LCORL: variants seen among roughly 807,000 people sequenced by gnomAD.
LCORL encodes ligand dependent nuclear receptor corepressor like.
In LCORL, 41 loss-of-function variants were observed where a neutral mutation model predicts 141.8. The ratio of observed to expected loss-of-function variants is 0.29; its 90% confidence interval spans 0.23 to 0.38. LCORL has a LOEUF of 0.38. Ranked by LOEUF, LCORL falls within the 10% of genes least tolerant of loss-of-function variation. LCORL has a pLI of 1.00. For synonymous variants in LCORL, 618 were observed against 694.1 expected, an observed-to-expected ratio of 0.89 and a Z score of 1.72; for missense variants, 1,759 against 2,035.0, an observed-to-expected ratio of 0.86 and a Z score of 2.61.
intron 7 of LCORL, among the ~76,000 whole-genome samples, chr4:17,850,825 A>C (rs1723576714): frequency 2.0e-5 from 3 of 150,424 alleles, no homozygotes; most frequent in Non-Finnish European, 3.0e-5. Flanking sequence ...AGACACATGC[A>C]CACGTATGTT....
At chr4:17,944,553 T>C (rs1738520744) in intron 4 of LCORL, among the ~76,000 whole-genome samples, 2 of 152,160 alleles carry the variant, frequency 1.3e-5, no homozygotes, top group Admixed American at 1.3e-4. Context: ...ATGGCTCCTG[T>C]GTTCCCATAC....
At chr4:17,852,201 AT>A (rs1454820532) in intron 7 of LCORL, among the ~76,000 whole-genome samples, 2 of 152,162 alleles carry the variant, frequency 1.3e-5, no homozygotes, top group Non-Finnish European at 1.5e-5. Flanking sequence ...CAGTTAAGTC[AT>A]CTGAGAAAGT....
exon 8 of LCORL, chr4:17,843,462 CCA>C: frequency 1.1e-5 from 18 of 1,599,774 alleles, no homozygotes; most frequent in Non-Finnish European, 1.5e-5. Context: ...AAGATTATGT[CCA>C]GTTATTTGCT....
chr4:17,977,899 G>C (rs901744944), intron 1 of LCORL, among the ~76,000 whole-genome samples: 3 of 152,004 alleles, frequency 2.0e-5, no homozygotes, highest in Admixed American at 6.5e-5. Context: ...TAGGTCTGTG[G>C]CCCATTTTGA....
chr4:17,872,472 G>C (rs1427612676), intron 7 of LCORL, among the ~76,000 whole-genome samples: 1 of 152,114 alleles, frequency 6.6e-6, no homozygotes, highest in Non-Finnish European at 1.5e-5. Flanking sequence ...AGCGCTTTAA[G>C]AAAGTTTACA....
intron 4 of LCORL, among the ~76,000 whole-genome samples, chr4:17,938,910 C>A (rs1178864265): frequency 6.6e-6 from 1 of 152,086 alleles, no homozygotes; most frequent in African/African-American, 2.4e-5. Context: ...CTAGGGAGGG[C>A]ATCAGAACTA....
intron 4 of LCORL, among the ~76,000 whole-genome samples, chr4:17,916,415 C>A (rs1003948801): frequency 1.3e-5 from 2 of 152,160 alleles, no homozygotes; most frequent in Non-Finnish European, 2.9e-5. Flanking sequence ...AGCCCCATCC[C>A]CTTGCTGATA....
At chr4:17,841,435 A>G (rs754539359) in exon 8 of LCORL, 14 of 151,968 alleles carry the variant, frequency 9.2e-5, no homozygotes, top group Non-Finnish European at 1.5e-4. Context: ...TTATTTAAAT[A>G]CCAATTGCTG....
At chr4:18,007,995 C>T (rs528933940) in intron 1 of LCORL, among the ~76,000 whole-genome samples, 37 of 152,298 alleles carry the variant, frequency 2.4e-4, no homozygotes, top group Non-Finnish European at 1.0e-4. Flanking sequence ...CAAGAAACTA[C>T]TTTTCCATAC....
chr4:17,893,566 G>C (rs1195178507), intron 5 of LCORL: 1 of 985,144 alleles, frequency 1.0e-6, no homozygotes, highest in Admixed American at 6.2e-5. Flanking sequence ...CTGAACACAG[G>C]AGCACCTGCA....
intron 1 of LCORL, among the ~76,000 whole-genome samples, chr4:17,987,041 T>A (rs1446559742): frequency 6.6e-6 from 1 of 152,138 alleles, no homozygotes; most frequent in African/African-American, 2.4e-5. Context: ...TGAATACGAG[T>A]GTGCATTTGG....
At chr4:17,864,155 C>T (rs1028872080) in intron 7 of LCORL, among the ~76,000 whole-genome samples, 3 of 152,092 alleles carry the variant, frequency 2.0e-5, no homozygotes, top group African/African-American at 4.8e-5. Context: ...TTTTGGCTAC[C>T]CATGAAGTAC....
At chr4:17,882,257 T>C in intron 6 of LCORL, 1 of 984,620 alleles carries the variant, frequency 1.0e-6, no homozygotes, top group Non-Finnish European at 1.2e-6. Flanking sequence ...AAAGTATTCC[T>C]TTTGGACTTA....
intron 6 of LCORL, chr4:17,882,462 A>G (rs1727700998): frequency 1.0e-6 from 1 of 984,546 alleles, no homozygotes; most frequent in Non-Finnish European, 1.2e-6. Flanking sequence ...ACTGCTAGGT[A>G]AAAATGACCA....
At chr4:17,970,181 A>G (rs1359314349) in intron 2 of LCORL, among the ~76,000 whole-genome samples, 4 of 152,228 alleles carry the variant, frequency 2.6e-5, no homozygotes, top group East Asian at 3.8e-4. Flanking sequence ...GCAACAGCAC[A>G]TAAAACTGAC....
In LCORL at chr4:17,998,985, A is replaced by AAAATAT. The variant is rs1374815646; in HGVS notation, c.154+22612_154+22613insATATTT. ...GTCTCAAAAAAAAAAAAAAAAAAAAAATATATATATATATATATACACACA... is the reference window on the plus strand; with the variant it reads ...GTCTCAAAAAAAAAAAAAAAAAAAAAAAATATATATATATATATATATATACACACA... On this transcript the variant is annotated intron_variant, in intron 1 of 7. Transcript: ENST00000635767. Among the ~76,000 whole-genome samples the AAAATAT allele has an allele frequency of 6.8e-3, 392 of 57,838 alleles. 6 individuals carry two copies. The highest frequency in any genetic ancestry group is 9.9e-3 in the Non-Finnish European group (299 of 30,152). The allele number at this position is 57,838 out of a possible 152,430, so 37.9% of individuals were successfully genotyped here.
chr4:17,900,880 T>C (rs1260994268), intron 5 of LCORL, among the ~76,000 whole-genome samples: 2 of 151,952 alleles, frequency 1.3e-5, no homozygotes, highest in Non-Finnish European at 2.9e-5. Flanking sequence ...GGCTGAAAAA[T>C]GTCCACAATT....
At chr4:17,976,731 T>C (rs1316281630) in intron 1 of LCORL, among the ~76,000 whole-genome samples, 1 of 152,162 alleles carries the variant, frequency 6.6e-6, no homozygotes, top group Non-Finnish European at 1.5e-5. Flanking sequence ...TAAAAAATGT[T>C]GTTTTGAGTA....
intron 4 of LCORL, among the ~76,000 whole-genome samples, chr4:17,914,616 A>G (rs542644729): frequency 7.5e-4 from 115 of 152,334 alleles, no homozygotes; most frequent in South Asian, 1.9e-3. Flanking sequence ...AGCCTCTTAA[A>G]TCACTTGCAC....
Sources: allele counts gnomAD v4.1 joint callset (sites outside exome capture counted in the v4.1 genomes callset), GRCh38; gene constraint gnomAD v4.1.1; transcripts MANE v1.5; gene names NCBI Gene and HGNC (gene_info 2026-07-23, HGNC 2026-07-21).